Variants in SND1 observed in about 807,000 individuals in gnomAD.
The protein encoded by SND1 is staphylococcal nuclease and tudor domain containing 1.
In SND1, 38 loss-of-function variants were observed where a neutral mutation model predicts 121.7. The observed-to-expected ratio is 0.31, with a 90% CI of 0.24 to 0.41. The LOEUF is 0.41. Among genes scored for constraint, SND1 ranks in the 10% least tolerant of loss-of-function variants. SND1 has a pLI of 1.00. For synonymous variants in SND1, 401 were observed against 447.4 expected (o/e 0.90, Z 1.31); for missense variants, 868 against 1,184.6 (o/e 0.73, Z 3.92).
At chr7:127,803,413 A>T (rs180970140) in intron 10 of SND1, among the ~76,000 whole-genome samples, 1 of 152,134 alleles carries the variant, frequency 6.6e-6, no homozygotes, top group South Asian at 2.1e-4. Flanking sequence ...AACTTTTAAA[A>T]TTTTAGTGGA....
At chr7:127,822,781 A>C (rs1798573473) in intron 11 of SND1, among the ~76,000 whole-genome samples, 2 of 152,234 alleles carry the variant, frequency 1.3e-5, no homozygotes, top group South Asian at 4.1e-4. Context: ...CCATGTCATT[A>C]AATAGTCTTC....
intron 15 of SND1, among the ~76,000 whole-genome samples, chr7:127,953,720 A>G (rs573404041): frequency 6.6e-6 from 1 of 152,328 alleles, no homozygotes; most frequent in South Asian, 2.1e-4. Context: ...TCCACCAGCA[A>G]TCATTTTCAC....
intron 15 of SND1, among the ~76,000 whole-genome samples, chr7:127,934,595 T>A (rs1801018745): frequency 6.6e-6 from 1 of 152,084 alleles, no homozygotes; most frequent in Non-Finnish European, 1.5e-5. Context: ...ATGCCTGGTC[T>A]CTTTTTGGTC....
intron 10 of SND1, among the ~76,000 whole-genome samples, chr7:127,797,091 C>T (rs1325336330): frequency 6.6e-6 from 1 of 152,040 alleles, no homozygotes; most frequent in African/African-American, 2.4e-5. Context: ...CAGGGTTTCA[C>T]CATGCTGGTC....
At chr7:127,950,792 T>C (rs994703645) in intron 15 of SND1, among the ~76,000 whole-genome samples, 13 of 152,214 alleles carry the variant, frequency 8.5e-5, no homozygotes, top group African/African-American at 1.7e-4. Flanking sequence ...TTACAGACTC[T>C]TAAAAAAGAT....
At chr7:127,826,969 G>C (rs1798654773) in intron 11 of SND1, among the ~76,000 whole-genome samples, 1 of 152,158 alleles carries the variant, frequency 6.6e-6, no homozygotes, top group Non-Finnish European at 1.5e-5. Flanking sequence ...AGGCCCTTGG[G>C]CTGGCCTTTC....
At chr7:127,824,541 T>C (rs1798608727) in intron 11 of SND1, among the ~76,000 whole-genome samples, 2 of 152,218 alleles carry the variant, frequency 1.3e-5, no homozygotes, top group Admixed American at 6.5e-5. Context: ...CAGCTCTGTA[T>C]AGCCTAGAAT....
At chr7:127,818,820 G>A (rs1490477285) in intron 11 of SND1, among the ~76,000 whole-genome samples, 1 of 152,188 alleles carries the variant, frequency 6.6e-6, no homozygotes, top group Admixed American at 6.5e-5. Context: ...GAAAAGCAAG[G>A]AAAGGAGAAG....
intron 14 of SND1, among the ~76,000 whole-genome samples, chr7:127,909,155 A>G (rs1800405453): frequency 6.6e-6 from 1 of 152,206 alleles, no homozygotes. Flanking sequence ...GTTTGATGGT[A>G]CAAGAAGATA....
At chr7:127,707,764 GGAGTGTGTGT>G in intron 9 of SND1, 117 bp downstream of exon 9, 1 of 558,180 alleles carries the variant, frequency 1.8e-6, no homozygotes, top group Non-Finnish European at 3.1e-6. Flanking sequence ...CAAGCCAGTA[GGAGTGTGTGT>G]GTGTGTGTGT....
chr7:127,862,575 A>G (rs1038339948), intron 12 of SND1, among the ~76,000 whole-genome samples: 4 of 152,278 alleles, frequency 2.6e-5, no homozygotes, highest in African/African-American at 9.6e-5. Flanking sequence ...CATTGGCTAC[A>G]GAAGTGATTT....
chr7:127,788,837 A>G (rs1171217549), intron 10 of SND1, among the ~76,000 whole-genome samples: 1 of 152,056 alleles, frequency 6.6e-6, no homozygotes, highest in East Asian at 1.9e-4. Context: ...ACTTTTGCAC[A>G]TGTCCGTAGC....
rs1311902030 is a variant in SND1 at position 128,079,646 on chromosome 7, G to A, written c.1969-1714G>A. On this transcript the variant is annotated intron_variant, in intron 17 of 23. Coordinates refer to ENST00000354725, the MANE Select transcript of SND1 (RefSeq NM_014390.4). ...CGCTCCTTCTAGTGGAAGAACACAC[G>A]CTCAGGCCGCGTTAAAGGCAGAAGT... Among the ~76,000 whole-genome samples, 3 of 152,218 alleles carry A rather than the reference G, an allele frequency of 2.0e-5. No individual in the cohort carries two copies. The East Asian group carries it at 5.8e-4, about 29-fold the overall frequency.
At chr7:128,077,786 C>T (rs969364000) in intron 17 of SND1, among the ~76,000 whole-genome samples, 1 of 152,212 alleles carries the variant, frequency 6.6e-6, no homozygotes, top group African/African-American at 2.4e-5. Flanking sequence ...GGCCCTGCTG[C>T]TTAGGTCAAG....
At chr7:127,775,107 A>G (rs1368895440) in intron 10 of SND1, among the ~76,000 whole-genome samples, 1 of 152,208 alleles carries the variant, frequency 6.6e-6, no homozygotes, top group African/African-American at 2.4e-5. Flanking sequence ...AGCATGTGAT[A>G]ATGGAGGATG....
intron 10 of SND1, among the ~76,000 whole-genome samples, chr7:127,792,827 C>T (rs1301597101): frequency 1.3e-5 from 2 of 152,172 alleles, no homozygotes. Context: ...CTTGCTGCTG[C>T]TGGAACAAGC....
At chr7:127,924,704 C>T (rs1268055297) in intron 14 of SND1, among the ~76,000 whole-genome samples, 8 of 152,168 alleles carry the variant, frequency 5.3e-5, no homozygotes, top group Admixed American at 2.0e-4. Context: ...CGTCTGCTCT[C>T]CCACCTACCC....
intron 11 of SND1, among the ~76,000 whole-genome samples, chr7:127,818,515 G>A (rs532352344): frequency 1.3e-5 from 2 of 152,330 alleles, no homozygotes; most frequent in East Asian, 3.9e-4. Context: ...GAACCCTGCT[G>A]TTCCCATCTC....
chr7:127,910,056 C>T (rs1475013286), intron 14 of SND1, among the ~76,000 whole-genome samples: 5 of 152,160 alleles, frequency 3.3e-5, no homozygotes, highest in Non-Finnish European at 5.9e-5. Flanking sequence ...TTTGAGGTTT[C>T]TGTAGGTGTT....
Sources: gnomAD v4.1 joint callset for allele counts (sites outside exome capture counted in the v4.1 genomes callset) on GRCh38, gnomAD v4.1.1 for gene constraint, MANE v1.5 for transcripts, NCBI Gene and HGNC (gene_info 2026-07-23, HGNC 2026-07-21) for gene names.